ACACA: variants seen among roughly 807,000 people sequenced by gnomAD.
ACACA encodes the protein acetyl-CoA carboxylase 1.
ACACA carries 103 observed loss-of-function variants against 296.1 expected under a neutral mutation model. That is an observed-to-expected ratio of 0.35 (90% CI 0.30 to 0.41). The LOEUF is 0.41. Ranked by LOEUF, ACACA falls within the 10% of genes least tolerant of loss-of-function variation. ACACA has a pLI of 1.00. For synonymous variants in ACACA, 953 were observed against 1,038.6 expected (o/e 0.92, Z 1.58); for missense variants, 1,554 against 2,989.7 (o/e 0.52, Z 11.20).
In ACACA at chr17:37,260,286, ATATATATATATTTT is replaced by A. The variant is rs1346861252; in HGVS notation, c.1330-770_1330-757del. ...TATATATATATATATATATATATAT[ATATATATATATTTT>A]TTTTTTTTTTTTTTTTGGAGATGGA... On this transcript the variant is annotated intron_variant, in intron 11 of 55. Transcript: ENST00000616317. 2.1e-3 allele frequency among the ~76,000 whole-genome samples: 65 copies of A among 30,896 alleles called. 2 individuals carry two copies. Among genetic ancestry groups the A allele is most frequent in the African/African-American group, 9.5e-3 (60 of 6,318 alleles). 20.3% of individuals were successfully genotyped at this position (30,896 alleles called of 152,430 possible).
intron 25 of ACACA, among the ~76,000 whole-genome samples, chr17:37,226,777 T>G (rs888199997): frequency 2.0e-5 from 3 of 152,284 alleles, no homozygotes; most frequent in South Asian, 4.1e-4. Flanking sequence ...ATAATAGATA[T>G]GTCTCAAAGT....
At chr17:37,208,514 C>T (rs2078609080) in intron 30 of ACACA, among the ~76,000 whole-genome samples, 1 of 151,970 alleles carries the variant, frequency 6.6e-6, no homozygotes, top group South Asian at 2.1e-4. Context: ...CATAGTTAAG[C>T]ACTTCTATAC....
intron 45 of ACACA, among the ~76,000 whole-genome samples, chr17:37,138,924 G>T (rs866410928): frequency 6.6e-5 from 10 of 152,178 alleles, no homozygotes; most frequent in South Asian, 2.1e-4. Context: ...GGAGATGGTT[G>T]CTGACTGCAA....
chr17:37,243,407 G>A lies in ACACA; in HGVS notation c.2895C>T (p.Asn965=). The A allele has an allele frequency of 6.2e-7, 1 of 1,614,136 alleles. No homozygotes were observed. The highest frequency in any genetic ancestry group is 8.5e-7 in the Non-Finnish European group (1 of 1,179,996). Residue 965 remains asparagine, a synonymous_variant, in exon 22 of 56, where the codon AAC becomes AAT. Coordinates refer to ENST00000616317, the MANE Select transcript of ACACA (RefSeq NM_198834.3). ...IKKEMAQYAS[N]ITSVLCQFPS... ...GAAACTGACAGAGGACTGATGTGAT[G>A]TTGCTAGCATACTGAGCCATTTCCT... is the stretch of plus-strand genomic sequence containing the variant.
At chr17:37,377,592 G>T (rs934258150) in intron 1 of ACACA, among the ~76,000 whole-genome samples, 4 of 151,918 alleles carry the variant, frequency 2.6e-5, no homozygotes, top group Non-Finnish European at 4.4e-5. Context: ...CCCAGGAGGT[G>T]AATGTTGCAA....
intron 52 of ACACA, among the ~76,000 whole-genome samples, chr17:37,104,869 G>A (rs1443091718): frequency 6.7e-6 from 1 of 149,510 alleles, no homozygotes; most frequent in African/African-American, 2.5e-5. Flanking sequence ...GAGCCTGACA[G>A]GTCGAGGTGT....
chr17:37,258,105 C>T, intron 13 of ACACA, 107 bp downstream of exon 13: 1 of 1,375,984 alleles, frequency 7.3e-7, no homozygotes, highest in Non-Finnish European at 1.0e-6. Flanking sequence ...CTCTATGTTT[C>T]CCACTCCAGA....
chr17:37,132,127 A>G lies in ACACA; in HGVS notation c.5680-1909T>C, dbSNP rs372412100. ...ATAACACCTCCGCCACGGCCAGTTTACCTCATGAAGGCAGGAGCACATCAT... is the reference window on the plus strand; with the variant it reads ...ATAACACCTCCGCCACGGCCAGTTTGCCTCATGAAGGCAGGAGCACATCAT... On this transcript the variant is annotated intron_variant, in intron 45 of 55. Coordinates refer to ENST00000616317, the MANE Select transcript of ACACA (RefSeq NM_198834.3). 3.3e-5 allele frequency among the ~76,000 whole-genome samples: 5 copies of G among 152,170 alleles called. No individual in the cohort carries two copies. In the East Asian group the frequency reaches 9.6e-4, roughly 29 times the overall value.
At chr17:37,346,111 T>C (rs975350694) in intron 1 of ACACA, among the ~76,000 whole-genome samples, 2 of 152,116 alleles carry the variant, frequency 1.3e-5, no homozygotes, top group Non-Finnish European at 2.9e-5. Flanking sequence ...TACAGTTTTA[T>C]AGTTTAGTTA....
intron 10 of ACACA, 108 bp from the exon 11 acceptor site, chr17:37,264,002 G>C (rs2081632502): frequency 1.2e-6 from 1 of 862,680 alleles, no homozygotes. Context: ...GAAGTGTCAG[G>C]AACCATGTTA....
chr17:37,216,933 A>C (rs1407067689), intron 29 of ACACA, among the ~76,000 whole-genome samples: 2 of 152,112 alleles, frequency 1.3e-5, no homozygotes, highest in African/African-American at 4.8e-5. Context: ...ATCACAGTCA[A>C]AAACAAACTG....
chr17:37,236,849 C>CA (rs1223788019), intron 24 of ACACA, among the ~76,000 whole-genome samples: 7 of 151,660 alleles, frequency 4.6e-5, no homozygotes, highest in Non-Finnish European at 1.0e-4. Flanking sequence ...ACACACCAAA[C>CA]AAAAAACAAA....
Position 37,274,210 on chromosome 17 carries a change from C to T in ACACA, c.991G>A (p.Val331Met), listed in dbSNP as rs902768113. The T allele has an allele frequency of 6.2e-7, 1 of 1,613,920 alleles. No individual in the cohort carries two copies. The highest frequency in any genetic ancestry group is 8.5e-7 in the Non-Finnish European group (1 of 1,179,774). Reference protein sequence around the residue: ...ELYEKGYVKDVDDGLQAAEEV... With the variant: ...ELYEKGYVKDMDDGLQAAEEV... The stretch of plus-strand genomic sequence containing the variant: ...TAACCTACCTGTAGCCCATCATCCA[C>T]ATCTTTCACATAACCTTTTTCATAT... Residue 331 changes from valine to methionine, a missense_variant, in exon 9 of 56, where the codon GTG (valine) becomes ATG (methionine). By Grantham distance (21) the Val-to-Met change is conservative. Coordinates refer to ENST00000616317, the MANE Select transcript of ACACA (RefSeq NM_198834.3).
chr17:37,198,090 T>A (rs1489321318), intron 35 of ACACA, among the ~76,000 whole-genome samples: 1 of 152,206 alleles, frequency 6.6e-6, no homozygotes, highest in Admixed American at 6.5e-5. Context: ...AAAAATGTTT[T>A]AAAGCTGTTA....
Position 37,179,451 on chromosome 17 carries a change from A to G in ACACA, c.4933-45T>C, listed in dbSNP as rs571395419. 88 of 1,598,880 alleles carry G rather than the reference A, an allele frequency of 5.5e-5. No individual in the cohort carries two copies. The South Asian group carries it at 8.8e-4, about 16-fold the overall frequency. ...TGACTAATCAGTCACAATAATTTCA[A>G]TATAGACAAAAATAATTATTAAGAT... On this transcript the variant is annotated intron_variant, in intron 40 of 55. Transcript: ENST00000616317.
intron 1 of ACACA, among the ~76,000 whole-genome samples, chr17:37,381,841 AT>A (rs1289836185): frequency 1.3e-5 from 2 of 150,910 alleles, no homozygotes; most frequent in Admixed American, 1.3e-4. Flanking sequence ...GTTGGCCAGG[AT>A]GGTCTCGATC....
intron 1 of ACACA, among the ~76,000 whole-genome samples, chr17:37,354,408 T>C (rs1297756046): frequency 6.6e-6 from 1 of 152,116 alleles, no homozygotes; most frequent in Non-Finnish European, 1.5e-5. Flanking sequence ...CAATGGTAAC[T>C]TGAAAAAGTA....
intron 41 of ACACA, among the ~76,000 whole-genome samples, chr17:37,170,011 G>C (rs2076826560): frequency 6.6e-6 from 1 of 152,172 alleles, no homozygotes; most frequent in African/African-American, 2.4e-5. Flanking sequence ...GACTAAACAA[G>C]TGGTCCTAGG....
intron 1 of ACACA, among the ~76,000 whole-genome samples, chr17:37,372,597 T>G (rs1044960107): frequency 2.0e-5 from 3 of 152,090 alleles, no homozygotes; most frequent in Non-Finnish European, 4.4e-5. Context: ...CCTCCTGGCT[T>G]CCTGTCAAGT....
Sources: gnomAD v4.1 joint callset for allele counts (sites outside exome capture counted in the v4.1 genomes callset) on GRCh38, gnomAD v4.1.1 for gene constraint, MANE v1.5 for transcripts, NCBI Gene and HGNC (gene_info 2026-07-23, HGNC 2026-07-21) for gene names.